The following MAP4K5 variants were observed in gnomAD, a reference collection of about 807,000 sequenced individuals.
The protein encoded by MAP4K5 is mitogen-activated protein kinase kinase kinase kinase 5, also known as MAPK/ERK kinase kinase kinase 5.
In MAP4K5, 82 loss-of-function variants were observed where a neutral mutation model predicts 135.6. The ratio of observed to expected loss-of-function variants is 0.60; its 90% CI spans 0.51 to 0.73. The LOEUF (loss-of-function observed/expected upper bound fraction) is 0.73. MAP4K5 is among the 30% of genes least tolerant of loss of function. The pLI, the probability that MAP4K5 is intolerant of heterozygous loss-of-function variation, is 0.00. For missense variants in MAP4K5, 907 were observed against 1,010.9 expected (o/e 0.90, Z 1.39); for synonymous variants, 347 against 335.0 (o/e 1.04, Z -0.39).
In MAP4K5 at chr14:50,441,474, A is replaced by C. The variant is rs116789486; in HGVS notation, c.1565-1033T>G. 3.2e-3 allele frequency among the ~76,000 whole-genome samples: 483 copies of C among 152,262 alleles called. 3 individuals are homozygous for C. Among genetic ancestry groups the C allele is most frequent in the African/African-American group, 0.011 (470 of 41,542 alleles). On this transcript the variant is annotated intron_variant, in intron 21 of 32. Transcript: ENST00000682126. ...ATTCAAGCATGAGGACTCATTATACAAACCCCAATTAAGGGACATTCTACA... is the reference window on the plus strand; with the variant it reads ...ATTCAAGCATGAGGACTCATTATACCAACCCCAATTAAGGGACATTCTACA...
intron 3 of MAP4K5, among the ~76,000 whole-genome samples, chr14:50,498,892 T>C (rs2037649195): frequency 6.6e-6 from 1 of 152,208 alleles, no homozygotes; most frequent in South Asian, 2.1e-4. Flanking sequence ...TATGCTGGCT[T>C]TAGTGCAAGT....
chr14:50,486,096 TC>T lies in MAP4K5; in HGVS notation c.257+7del. The T allele has an allele frequency of 9.0e-7, 1 of 1,108,068 alleles. No individual in the cohort carries two copies. The highest frequency in any genetic ancestry group is 1.3e-6 in the Non-Finnish European group (1 of 761,104). The allele number at this position is 1,108,068 out of a possible 1,614,324, so 68.6% of individuals were successfully genotyped here. A position where few individuals can be genotyped will look rare whatever the true frequency, so the allele number is the denominator to read the frequency against. On this transcript the variant is annotated splice_region_variant and intron_variant, in intron 4 of 32. Coordinates refer to ENST00000682126, the MANE Select transcript of MAP4K5 (RefSeq NM_006575.6). ...TACAGAGAGAGATGATGCTTTTTTT[TC>T]TCTTACCTAAGATAACTCCCAAAGT...
Position 50,470,121 on chromosome 14 carries a change from A to C in MAP4K5, c.543-1339T>G, listed in dbSNP as rs917221261. ...GGCTGAGGTGGAGCCCAGAGAAAGC[A>C]AACAGGATTCATCTCCTCTACCCAC... On this transcript the variant is annotated intron_variant, in intron 9 of 32. Coordinates refer to ENST00000682126, the MANE Select transcript of MAP4K5 (RefSeq NM_006575.6). 2.2e-4 allele frequency among the ~76,000 whole-genome samples: 33 copies of C among 152,292 alleles called. 1 individual carries two copies. Among genetic ancestry groups the C allele is most frequent in the Admixed American group, 1.9e-3 (29 of 15,288 alleles).
intron 26 of MAP4K5, among the ~76,000 whole-genome samples, chr14:50,436,303 G>GT (rs1447759096): frequency 6.6e-6 from 1 of 152,128 alleles, no homozygotes; most frequent in African/African-American, 2.4e-5. Context: ...CTTCTGGGAG[G>GT]TAATTGCTAA....
intron 3 of MAP4K5, among the ~76,000 whole-genome samples, chr14:50,487,643 T>C (rs918684524): frequency 6.6e-6 from 1 of 152,236 alleles, no homozygotes. Flanking sequence ...TGCTTCTTAA[T>C]GGTTTTACAA....
chr14:50,445,418 T>C (rs557092952), intron 17 of MAP4K5, among the ~76,000 whole-genome samples: 5 of 152,228 alleles, frequency 3.3e-5, no homozygotes, highest in Non-Finnish European at 7.4e-5. Context: ...TATAATTATA[T>C]AAAAATCCAC....
At chr14:50,506,904 G>A (rs1225402631) in intron 2 of MAP4K5, among the ~76,000 whole-genome samples, 18 of 152,108 alleles carry the variant, frequency 1.2e-4, no homozygotes, top group Admixed American at 1.1e-3. Flanking sequence ...CATAAGAACT[G>A]TCTGTTAGCC....
At chr14:50,523,721 C>A (rs774665938) in intron 2 of MAP4K5, among the ~76,000 whole-genome samples, 1 of 152,124 alleles carries the variant, frequency 6.6e-6, no homozygotes, top group South Asian at 2.1e-4. Context: ...TTGTCTCTCT[C>A]CCCCCACTAA....
chr14:50,490,359 C>G (rs1380905321), intron 3 of MAP4K5, among the ~76,000 whole-genome samples: 2 of 152,072 alleles, frequency 1.3e-5, no homozygotes, highest in Non-Finnish European at 2.9e-5. Flanking sequence ...TAAAAATTAA[C>G]TAAGAAATGT....
chr14:50,487,585 T>C (rs17092842), intron 3 of MAP4K5, among the ~76,000 whole-genome samples: 4,271 of 152,330 alleles, frequency 0.028, 178 homozygotes, highest in African/African-American at 0.097. Flanking sequence ...TGGTTACGTA[T>C]ACCTTAAACA....
Position 50,528,557 on chromosome 14 carries a change from T to C in MAP4K5, c.108+3385A>G, listed in dbSNP as rs2038317605. ...ACACAGGAAGACCCTGTCTTTACATTAAAAAAAAAAAAAATTAGCCAGGCA... is the reference window on the plus strand; with the variant it reads ...ACACAGGAAGACCCTGTCTTTACATCAAAAAAAAAAAAAATTAGCCAGGCA... On this transcript the variant is annotated intron_variant, in intron 2 of 32. Coordinates refer to ENST00000682126, the MANE Select transcript of MAP4K5 (RefSeq NM_006575.6). 2.8e-5 allele frequency among the ~76,000 whole-genome samples: 4 copies of C among 143,360 alleles called. No homozygotes were observed. The Admixed American group carries it at 2.8e-4, about 10-fold the overall frequency. The allele number at this position is 143,360 out of a possible 152,430, so 94.0% of individuals were successfully genotyped here. A position where few individuals can be genotyped will look rare whatever the true frequency, so the allele number is the denominator to read the frequency against.
chr14:50,465,614 C>T (rs2036814682), intron 11 of MAP4K5, among the ~76,000 whole-genome samples: 2 of 152,106 alleles, frequency 1.3e-5, no homozygotes, highest in Admixed American at 1.3e-4. Flanking sequence ...TTCATATCAC[C>T]TTCCATGAAA....
chr14:50,425,809 C>G (rs2035832654), intron 31 of MAP4K5, 98 bp downstream of exon 31: 2 of 764,496 alleles, frequency 2.6e-6, no homozygotes, highest in Admixed American at 4.7e-5. Flanking sequence ...AAGCACTAAA[C>G]ACAGTAATGT....
chr14:50,463,700 A>T (rs1372507278), intron 12 of MAP4K5, among the ~76,000 whole-genome samples: 1 of 151,962 alleles, frequency 6.6e-6, no homozygotes, highest in African/African-American at 2.4e-5. Context: ...CTTGGCCAAC[A>T]CGGTGAAACC....
intron 13 of MAP4K5, among the ~76,000 whole-genome samples, chr14:50,458,339 A>C (rs1347524615): frequency 6.6e-6 from 1 of 152,018 alleles, no homozygotes; most frequent in African/African-American, 2.4e-5. Context: ...ATTCATGAGC[A>C]TTTAATACTG....
At chr14:50,547,154 G>A (rs1889127194) in intron 1 of MAP4K5, among the ~76,000 whole-genome samples, 1 of 152,138 alleles carries the variant, frequency 6.6e-6, no homozygotes, top group Admixed American at 6.5e-5. Flanking sequence ...AGTTAGAATA[G>A]TGATTAGATT....
At position 50,523,038 on chromosome 14, in the gene MAP4K5, G is replaced by A. The variant is rs190358071; in HGVS notation, c.108+8904C>T. Among the ~76,000 whole-genome samples the A allele has an allele frequency of 6.6e-4, 101 of 152,296 alleles. 3 individuals carry two copies. The highest frequency in any genetic ancestry group is 6.0e-3 in the South Asian group (29 of 4,826). ...AATTAAAAATCACAATGGGCTGGGC[G>A]CAGTGGCTCACACCTGTAATCCCAG... On this transcript the variant is annotated intron_variant, in intron 2 of 32. Coordinates refer to ENST00000682126, the MANE Select transcript of MAP4K5 (RefSeq NM_006575.6).
chr14:50,469,246 G>A (rs1252958305), intron 9 of MAP4K5, among the ~76,000 whole-genome samples: 1 of 152,076 alleles, frequency 6.6e-6, no homozygotes, highest in Admixed American at 6.5e-5. Flanking sequence ...ACTGATAAGG[G>A]GCCATACATT....
At chr14:50,543,774 A>G (rs1373290044) in intron 1 of MAP4K5, among the ~76,000 whole-genome samples, 4 of 152,170 alleles carry the variant, frequency 2.6e-5, no homozygotes, top group Admixed American at 6.5e-5. Context: ...TGGCTCTTCT[A>G]TTATTCCTAA....
Sources: allele counts gnomAD v4.1 joint callset (sites outside exome capture counted in the v4.1 genomes callset), GRCh38; gene constraint gnomAD v4.1.1; transcripts MANE v1.5; gene names NCBI Gene and HGNC (gene_info 2026-07-23, HGNC 2026-07-21).